The following UPP2 variants were observed in gnomAD, a reference collection of about 807,000 sequenced individuals.
UPP2 encodes UPase 2.
A neutral mutation model predicts 26.7 loss-of-function variants in UPP2; 23 were observed. The observed-to-expected ratio is 0.86, with a 90% CI of 0.62 to 1.22. UPP2 has a LOEUF of 1.22. UPP2 is among the 50% of genes most tolerant of loss of function. The probability of loss-of-function intolerance (pLI) is 0.00; values close to 1 mark genes in which losing one functional copy is unlikely to be tolerated. For missense variants in UPP2, 387 were observed against 396.7 expected (o/e 0.98, Z 0.21); for synonymous variants, 127 against 141.3 (o/e 0.90, Z 0.72).
chr2:158,051,157 ATGTGTGTGTGTG>A (rs57745839), intron 3 of UPP2, among the ~76,000 whole-genome samples: 43,819 of 144,992 alleles, frequency 0.3, 6,867 homozygotes, highest in Non-Finnish European at 0.36. Flanking sequence ...CTCTAGGAAT[ATGTGTGTGTGTG>A]TGTGTGTGTG....
rs964452205 is a variant in UPP2, at chr2:158,044,506, C to T, written c.147+28620C>T. Among the ~76,000 whole-genome samples the T allele has an allele frequency of 2.0e-5, 3 of 152,078 alleles. No individual in the cohort carries two copies. In the East Asian group the frequency reaches 5.8e-4, roughly 29 times the overall value. ...GAGTCAGGTCAGCCAGCTAGGGTGA[C>T]ATGGTGGTGACCTGGGAGTGTGGCA... On this transcript the variant is annotated intron_variant, in intron 3 of 9. Coordinates refer to the UPP2 transcript ENST00000605860.
At chr2:158,058,429 G>GTGTGTGTGTGTGTGTGTA (rs1437705527) in intron 3 of UPP2, among the ~76,000 whole-genome samples, 26 of 149,934 alleles carry the variant, frequency 1.7e-4, no homozygotes, top group African/African-American at 6.2e-4. Context: ...CTGTGTGTGT[G>GTGTGTGTGTGTGTGTGTA]TGTGTGTGTG....
chr2:158,118,105 T>A (rs2105224617), intron 4 of UPP2, among the ~76,000 whole-genome samples, 167 bp downstream of exon 4: 1 of 152,150 alleles, frequency 6.6e-6, no homozygotes, highest in South Asian at 2.1e-4. Flanking sequence ...ATTGCCTTTT[T>A]CTTTTATTCC....
chr2:158,034,859 A>T (rs992764127), intron 3 of UPP2, among the ~76,000 whole-genome samples: 1 of 152,150 alleles, frequency 6.6e-6, no homozygotes, highest in African/African-American at 2.4e-5. Flanking sequence ...TGGAAAGGTC[A>T]CTGTCAGTCC....
Position 157,995,210 on chromosome 2 carries a change from A to G in UPP2, c.12A>G (p.Pro4=), listed in dbSNP as rs762122081. ...TCACCAGTGCTGCCATGCTGGCCCC[A>G]GGCTGTGAGTTGGACCCAGACCAAG... Residue 4 remains proline, a synonymous_variant, in exon 2 of 10, where the codon CCA becomes CCG. Transcript: ENST00000605860. 23 of 1,613,712 alleles carry G rather than the reference A, an allele frequency of 1.4e-5. No homozygotes were observed. The African/African-American group carries it at 2.9e-4, about 21-fold the overall frequency.
At chr2:158,123,358 T>TC (rs200045692) in intron 5 of UPP2, among the ~76,000 whole-genome samples, 2,905 of 151,566 alleles carry the variant, frequency 0.019, 41 homozygotes, top group Middle Eastern at 0.044. Context: ...AAACCTCTTT[T>TC]TTTTTCTCCC....
chr2:158,015,458 T>C (rs1260068798), intron 2 of UPP2, among the ~76,000 whole-genome samples: 1 of 152,242 alleles, frequency 6.6e-6, no homozygotes, highest in African/African-American at 2.4e-5. Flanking sequence ...TGTATGTATA[T>C]GCCACATTTT....
intron 3 of UPP2, among the ~76,000 whole-genome samples, chr2:158,086,440 C>G (rs557388327): frequency 2.6e-5 from 4 of 151,830 alleles, no homozygotes; most frequent in African/African-American, 7.3e-5. Context: ...TTCAAAGAAC[C>G]AGCTTTTTGT....
chr2:158,036,154 A>AAT, intron 3 of UPP2, among the ~76,000 whole-genome samples: 1 of 152,378 alleles, frequency 6.6e-6, no homozygotes, highest in East Asian at 1.9e-4. Flanking sequence ...AAAATTAGAT[A>AAT]CATTATCATT....
upstream of UPP2, among the ~76,000 whole-genome samples, chr2:158,099,034 T>C (rs912057517): frequency 1.3e-5 from 2 of 152,192 alleles, no homozygotes; most frequent in Non-Finnish European, 2.9e-5. Context: ...TAATTAGTTT[T>C]AGTTATTTGT....
At chr2:158,121,999 T>A (rs1234779661) in intron 5 of UPP2, among the ~76,000 whole-genome samples, 2 of 151,910 alleles carry the variant, frequency 1.3e-5, no homozygotes, top group South Asian at 4.1e-4. Context: ...CCGGAAACAG[T>A]GGTCCAGAAA....
chr2:158,086,891 G>C (rs1435275273), intron 3 of UPP2, among the ~76,000 whole-genome samples: 1 of 152,060 alleles, frequency 6.6e-6, no homozygotes, highest in Non-Finnish European at 1.5e-5. Context: ...AATTTATTGA[G>C]ACTTGTTTTG....
At chr2:158,010,730 C>T (rs1280579363) in intron 2 of UPP2, among the ~76,000 whole-genome samples, 2 of 151,604 alleles carry the variant, frequency 1.3e-5, no homozygotes, top group Non-Finnish European at 2.9e-5. Flanking sequence ...AATGAGTTCC[C>T]TCCAATGAGA....
chr2:158,067,240 T>C (rs778422924), intron 3 of UPP2, among the ~76,000 whole-genome samples: 4 of 152,110 alleles, frequency 2.6e-5, no homozygotes, highest in Non-Finnish European at 2.9e-5. Context: ...AGTTCAACCA[T>C]ATATTTATAC....
chr2:158,111,433 A>G (rs1215104853), intron 2 of UPP2, among the ~76,000 whole-genome samples: 1 of 152,080 alleles, frequency 6.6e-6, no homozygotes, highest in Admixed American at 6.6e-5. Flanking sequence ...TGCATGGTCT[A>G]TATTTTTCCA....
intron 3 of UPP2, among the ~76,000 whole-genome samples, chr2:158,063,679 T>C (rs1421521882): frequency 6.6e-6 from 1 of 152,080 alleles, no homozygotes; most frequent in Admixed American, 6.6e-5. Context: ...ACATGTGCTA[T>C]GGTGGTTTGC....
At chr2:158,034,501 C>A (rs964651369) in intron 3 of UPP2, among the ~76,000 whole-genome samples, 1 of 152,166 alleles carries the variant, frequency 6.6e-6, no homozygotes, top group African/African-American at 2.4e-5. Context: ...CTTTTCCAAA[C>A]CAGCTCAGCC....
intron 3 of UPP2, chr2:158,065,981 T>A: frequency 2.4e-6 from 1 of 414,044 alleles, no homozygotes; most frequent in South Asian, 2.4e-5. Flanking sequence ...GCAAGTTAAC[T>A]TTTGTATTTG....
At chr2:157,995,825 A>C (rs971008) in intron 2 of UPP2, among the ~76,000 whole-genome samples, 100,930 of 151,760 alleles carry the variant, frequency 0.67, 34,111 homozygotes, top group East Asian at 0.98. Flanking sequence ...AAAAAGCTAT[A>C]ATAGTTTTTT....
Sources: gnomAD v4.1 joint callset for allele counts (sites outside exome capture counted in the v4.1 genomes callset) on GRCh38, gnomAD v4.1.1 for gene constraint, MANE v1.5 for transcripts, NCBI Gene and HGNC (gene_info 2026-07-23, HGNC 2026-07-21) for gene names.